Variants in MAPKBP1 observed in about 807,000 individuals in gnomAD.
The protein encoded by MAPKBP1 is mitogen-activated protein kinase binding protein 1.
Under a neutral mutation model 170.5 loss-of-function variants are expected in MAPKBP1, and 71 were observed. The observed-to-expected ratio is 0.42, with a 90% CI of 0.34 to 0.51. The LOEUF is 0.51. Ranked by LOEUF, MAPKBP1 falls within the 20% of genes least tolerant of loss-of-function variation. The probability of loss-of-function intolerance (pLI) is 0.06; values close to 1 mark genes in which losing one functional copy is unlikely to be tolerated. For missense variants in MAPKBP1, 1,598 were observed against 1,933.0 expected (o/e 0.83, Z 3.25); for synonymous variants, 719 against 757.9 (o/e 0.95, Z 0.84).
At chr15:41,792,747 AGTTCCT>A (rs2152071815) in intron 2 of MAPKBP1, among the ~76,000 whole-genome samples, 1 of 152,318 alleles carries the variant, frequency 6.6e-6, no homozygotes, top group East Asian at 1.9e-4. Flanking sequence ...TTGGAGCTGA[AGTTCCT>A]GTCAGAACTT....
At position 41,814,675 on chromosome 15, in the gene MAPKBP1, A is replaced by T; in HGVS notation, c.1106A>T (p.Asp369Val). Residue 369 changes from aspartate to valine, a missense_variant, in exon 10 of 31, where the codon GAC (aspartate) becomes GTC (valine). Asp to Val is a radical substitution (Grantham distance 152). Coordinates refer to ENST00000457542, the MANE Select transcript of MAPKBP1 (RefSeq NM_014994.3). ...DHSIYVWDVR[D>V]PKKVGKVYSA... ...AGCATTTATGTTTGGGATGTGAGGGACCCCAAGAAAGTGGGCAAGGTGTAC... is the reference window on the plus strand; with the variant it reads ...AGCATTTATGTTTGGGATGTGAGGGTCCCCAAGAAAGTGGGCAAGGTGTAC... 1 of 1,614,064 alleles carries T rather than the reference A, an allele frequency of 6.2e-7. No individual in the cohort carries two copies.
At chr15:41,821,357 G>A (rs1329667928) in intron 23 of MAPKBP1, 2 of 610,614 alleles carry the variant, frequency 3.3e-6, no homozygotes, top group Non-Finnish European at 5.8e-6. Flanking sequence ...AGCCCAGAGT[G>A]CTAATATAGT....
intron 2 of MAPKBP1, among the ~76,000 whole-genome samples, chr15:41,794,403 A>G (rs1274040535): frequency 6.6e-6 from 1 of 152,212 alleles, no homozygotes; most frequent in Non-Finnish European, 1.5e-5. Context: ...ATCTTCCACT[A>G]TATTTTTTCT....
At chr15:41,795,600 T>A (rs1393314421) in intron 2 of MAPKBP1, among the ~76,000 whole-genome samples, 1 of 152,038 alleles carries the variant, frequency 6.6e-6, no homozygotes, top group Non-Finnish European at 1.5e-5. Flanking sequence ...TTTATTTTTA[T>A]TTATTTACTT....
chr15:41,784,029 C>A (rs1225803042), intron 2 of MAPKBP1, among the ~76,000 whole-genome samples: 1 of 152,102 alleles, frequency 6.6e-6, no homozygotes, highest in African/African-American at 2.4e-5. Flanking sequence ...AACTCTGATT[C>A]TTGCACCTCT....
At position 41,819,550 on chromosome 15, in the gene MAPKBP1, G is replaced by T. The variant is rs754656962; in HGVS notation, c.2426-45G>T. 2.8e-5 allele frequency: 42 copies of T among 1,518,414 alleles called. No individual in the cohort carries two copies. The highest frequency in any genetic ancestry group is 1.6e-4 in the East Asian group (7 of 44,566). The allele number at this position is 1,518,414 out of a possible 1,614,324, so 94.1% of individuals were successfully genotyped here. A position where few individuals can be genotyped will look rare whatever the true frequency, so the allele number is the denominator to read the frequency against. On this transcript the variant is annotated intron_variant, in intron 21 of 30. Transcript: ENST00000457542. ...CCAGGGCTCCAGGGTTGGGTGGCGG[G>T]GGGGGGGCAGGAGACACTTCCTCTG...
chr15:41,821,738 C>A lies in MAPKBP1; in HGVS notation c.2873C>A (p.Thr958Asn), dbSNP rs1256518875. The A allele has an allele frequency of 5.0e-6, 8 of 1,613,896 alleles. No individual in the cohort carries two copies. The highest frequency in any genetic ancestry group is 1.7e-5 in the Admixed American group (1 of 60,010). Residue 958 changes from threonine (T) to asparagine (N), a missense_variant, in exon 24 of 31, where the codon ACC becomes AAC. Around this residue, in one of 6 missense-constraint regions of MAPKBP1, gnomAD observed 942 missense variants for 953.2 expected, o/e 0.99. Coordinates refer to ENST00000457542, the MANE Select transcript of MAPKBP1 (RefSeq NM_014994.3). ...IVYPEPSDNP[T>N]MDTSEFQVQA... ...TACCCGGAGCCGAGTGACAACCCCA[C>A]CATGGATACCAGGCAAGGATCCTGC...
At chr15:41,809,132 C>T (rs1464705765) in intron 3 of MAPKBP1, among the ~76,000 whole-genome samples, 1 of 151,562 alleles carries the variant, frequency 6.6e-6, no homozygotes, top group Non-Finnish European at 1.5e-5. Context: ...CCTGTAATCC[C>T]AGCTACTTGG....
chr15:41,823,506 G>A lies in MAPKBP1; in HGVS notation c.3658G>A (p.Glu1220Lys), dbSNP rs764647641. The A allele has an allele frequency of 1.9e-5, 30 of 1,613,986 alleles. No homozygotes were observed. The highest frequency in any genetic ancestry group is 1.6e-4 in the Middle Eastern group (1 of 6,084). ...AGGCGCACTGCTGTCTCGGGAGATC[G>A]AAGCTCAGGATGGTCTGGGCTCCCT... ...SPGALLSREI[E>K]AQDGLGSLPP... Residue 1220 changes from glutamate (E) to lysine (K), a missense_variant, in exon 29 of 31, where the codon GAA becomes AAA. Around this residue, in one of 6 missense-constraint regions of MAPKBP1, gnomAD observed 942 missense variants for 953.2 expected, o/e 0.99. Coordinates refer to ENST00000457542, the MANE Select transcript of MAPKBP1 (RefSeq NM_014994.3).
intron 20 of MAPKBP1, 46 bp from the exon 21 acceptor site, chr15:41,819,200 C>G (rs770458339): frequency 2.5e-6 from 4 of 1,604,572 alleles, no homozygotes; most frequent in South Asian, 2.2e-5. Context: ...CTCCTCTCCC[C>G]CTATTGAGTC....
chr15:41,792,794 A>G (rs2064416802), intron 2 of MAPKBP1, among the ~76,000 whole-genome samples: 1 of 152,062 alleles, frequency 6.6e-6, no homozygotes, highest in African/African-American at 2.4e-5. Flanking sequence ...ATGGACAGTA[A>G]TTTTCTCGCA....
rs1240244504 is a variant in MAPKBP1 at position 41,792,694 on chromosome 15, T to TAC, written c.115-7129_115-7128insAC. Among the ~76,000 whole-genome samples, 7 of 152,356 alleles carry TAC rather than the reference T, an allele frequency of 4.6e-5. No individual in the cohort carries two copies. The South Asian group carries it at 1.2e-3, about 27-fold the overall frequency. On this transcript the variant is annotated intron_variant, in intron 2 of 30. Transcript: ENST00000457542. The stretch of plus-strand genomic sequence containing the variant: ...CCAGACACAGTTGCCTGGACTGGTG[T>TAC]GTCTCCTGGGCTGTATTTCATCGGC...
Position 41,823,732 on chromosome 15 carries a change from C to A in MAPKBP1, c.3884C>A (p.Pro1295His). 1 of 1,614,216 alleles carries A rather than the reference C, an allele frequency of 6.2e-7. No individual in the cohort carries two copies. The highest frequency in any genetic ancestry group is 1.6e-4 in the Middle Eastern group (1 of 6,062). The change falls in exon 29 of 31, where the codon CCC becomes CAC. Residue 1295 changes from proline (P) to histidine (H), a missense_variant. This residue lies in a region of MAPKBP1 where 942 missense variants were observed against 953.2 expected (regional missense o/e 0.99). Transcript: ENST00000457542. ...CGGGCTCACCTGGTCCTGGACATCC[C>A]CAAACCACTGCCTGACCGTCCTACC... ...PSRAHLVLDI[P>H]KPLPDRPTLA...
chr15:41,776,855 C>G (rs1353385209), intron 2 of MAPKBP1, among the ~76,000 whole-genome samples: 1 of 152,158 alleles, frequency 6.6e-6, no homozygotes, highest in Non-Finnish European at 1.5e-5. Flanking sequence ...ATGCATTTAA[C>G]AAGTGTTTAT....
At chr15:41,805,504 C>T (rs369320546) in intron 3 of MAPKBP1, among the ~76,000 whole-genome samples, 16 of 152,318 alleles carry the variant, frequency 1.1e-4, no homozygotes, top group East Asian at 1.9e-4. Context: ...CACAGCTGCT[C>T]CTCTCCCGCT....
Position 41,825,587 on chromosome 15 carries a change from G to T in MAPKBP1, c.*151G>T. On this transcript the variant is annotated 3_prime_UTR_variant, in exon 31 of 31. Coordinates refer to ENST00000457542, the MANE Select transcript of MAPKBP1 (RefSeq NM_014994.3). ...CAGCCTTCCCAGCCGCTCCTCGTGG[G>T]GGGCCTGTATTTATTAATTTATTTC... is the stretch of plus-strand genomic sequence containing the variant. 1.6e-6 allele frequency: 1 copy of T among 614,010 alleles called. No homozygotes were observed. Among genetic ancestry groups the T allele is most frequent in the East Asian group, 3.0e-5 (1 of 32,998 alleles). The allele number at this position is 614,010 out of a possible 1,614,324, so 38.0% of individuals were successfully genotyped here. A position where few individuals can be genotyped will look rare whatever the true frequency, so the allele number is the denominator to read the frequency against.
At chr15:41,795,992 A>C (rs533143192) in intron 2 of MAPKBP1, among the ~76,000 whole-genome samples, 1 of 152,216 alleles carries the variant, frequency 6.6e-6, no homozygotes. Context: ...CAGGGAGAGC[A>C]TGTGGGTGTT....
chr15:41,789,129 AAC>A (rs1278460335), intron 2 of MAPKBP1, among the ~76,000 whole-genome samples: 1 of 152,172 alleles, frequency 6.6e-6, no homozygotes, highest in East Asian at 1.9e-4. Flanking sequence ...CCAGATAAGG[AAC>A]AGTTAATATT....
intron 2 of MAPKBP1, among the ~76,000 whole-genome samples, chr15:41,784,871 C>A (rs2064255799): frequency 8.3e-6 from 1 of 120,694 alleles, no homozygotes; most frequent in Non-Finnish European, 1.7e-5. Flanking sequence ...CCAGCCTGGG[C>A]AACATGGCGA....
Sources: gnomAD v4.1 joint callset for allele counts (sites outside exome capture counted in the v4.1 genomes callset) on GRCh38, gnomAD v4.1.1 for gene constraint, gnomAD v4.1.1 regional missense constraint, MANE v1.5 for transcripts, NCBI Gene and HGNC (gene_info 2026-07-23, HGNC 2026-07-21) for gene names.